The following PPFIA2 variants were observed in gnomAD, a reference collection of about 807,000 sequenced individuals.
The protein encoded by PPFIA2 is liprin-alpha-2.
A neutral mutation model predicts 175.5 loss-of-function variants in PPFIA2; 46 were observed. The observed-to-expected ratio is 0.26, with a 90% CI of 0.21 to 0.34. The LOEUF (loss-of-function observed/expected upper bound fraction) is 0.34, where lower values mean the gene tolerates loss of function less well. Among genes scored for constraint, PPFIA2 ranks in the 10% least tolerant of loss-of-function variants. The probability of loss-of-function intolerance (pLI) is 1.00; values close to 1 mark genes in which losing one functional copy is unlikely to be tolerated. For missense variants in PPFIA2, 1,179 were observed against 1,506.1 expected (o/e 0.78, Z 3.60); for synonymous variants, 568 against 511.4 (o/e 1.11, Z -1.49).
intron 21 of PPFIA2, among the ~76,000 whole-genome samples, chr12:81,334,248 G>A (rs967528902): frequency 1.3e-5 from 2 of 152,152 alleles, no homozygotes; most frequent in Non-Finnish European, 2.9e-5. Context: ...CAATGTAGCA[G>A]ATAAAACTTT....
At chr12:81,715,258 T>A (rs1174569375) in intron 3 of PPFIA2, among the ~76,000 whole-genome samples, 1 of 147,104 alleles carries the variant, frequency 6.8e-6, no homozygotes, top group Non-Finnish European at 1.5e-5. Flanking sequence ...GTGTGAACTG[T>A]TTATCTTCAT....
chr12:81,490,601 T>C (rs944494588), intron 4 of PPFIA2, among the ~76,000 whole-genome samples: 4 of 151,938 alleles, frequency 2.6e-5, no homozygotes, highest in African/African-American at 9.7e-5. Context: ...TCATTAGACA[T>C]AAATTGATGT....
At chr12:81,493,305 G>C (rs991578312) in intron 4 of PPFIA2, among the ~76,000 whole-genome samples, 2 of 151,992 alleles carry the variant, frequency 1.3e-5, no homozygotes, top group African/African-American at 4.8e-5. Flanking sequence ...GTATGAGATA[G>C]ACTTAATACA....
chr12:81,690,359 C>T (rs1412954623), intron 3 of PPFIA2, among the ~76,000 whole-genome samples: 1 of 152,090 alleles, frequency 6.6e-6, no homozygotes, highest in African/African-American at 2.4e-5. Flanking sequence ...TAAACATTGT[C>T]TCTTAATGAG....
At chr12:81,755,974 A>C (rs2084589106) in intron 2 of PPFIA2, among the ~76,000 whole-genome samples, 1 of 152,182 alleles carries the variant, frequency 6.6e-6, no homozygotes, top group Non-Finnish European at 1.5e-5. Context: ...AAGATGGAAA[A>C]TACAGACTCT....
chr12:81,530,075 A>C (rs60193533), intron 4 of PPFIA2, among the ~76,000 whole-genome samples: 3,107 of 152,120 alleles, frequency 0.02, 114 homozygotes, highest in African/African-American at 0.072. Context: ...AAATTATATC[A>C]AATTCAACTT....
At chr12:81,317,779 T>C (rs2052740480) in intron 22 of PPFIA2, among the ~76,000 whole-genome samples, 1 of 151,708 alleles carries the variant, frequency 6.6e-6, no homozygotes, top group Non-Finnish European at 1.5e-5. Context: ...CATCTATATG[T>C]TAAAAATTCA....
chr12:81,322,121 G>A (rs975880113), intron 22 of PPFIA2, among the ~76,000 whole-genome samples: 5 of 152,288 alleles, frequency 3.3e-5, no homozygotes, highest in African/African-American at 1.2e-4. Flanking sequence ...ACAGGCATGA[G>A]TCACCATTAC....
rs139595866 is a variant in PPFIA2, at chr12:81,338,125, C to T, written c.2548+1055G>A. 4.0e-3 allele frequency among the ~76,000 whole-genome samples: 609 copies of T among 152,150 alleles called. 1 individual carries two copies. Among genetic ancestry groups the T allele is most frequent in the Non-Finnish European group, 6.2e-3 (421 of 67,974 alleles). On this transcript the variant is annotated intron_variant, in intron 21 of 32. Transcript: ENST00000549396. ...GTCATAAATCTGCAAACATGAATAT[C>T]GCAATCAGAAATTCTTTTGATGGTA... is the stretch of plus-strand genomic sequence containing the variant.
In PPFIA2 at chr12:81,714,684, G is replaced by C. The variant is rs370343221; in HGVS notation, c.250-37840C>G. ...GAAAGTGGTTATTTTGTTAGACTCT[G>C]AAGAAATAGAGGGTCTGAGTATCCT... On this transcript the variant is annotated intron_variant, in intron 3 of 32. Transcript: ENST00000549396. 2.6e-5 allele frequency among the ~76,000 whole-genome samples: 4 copies of C among 151,104 alleles called. 1 individual carries two copies. The East Asian group carries it at 8.0e-4, about 30-fold the overall frequency.
intron 3 of PPFIA2, among the ~76,000 whole-genome samples, chr12:81,733,036 G>T (rs117985328): frequency 0.04 from 6,123 of 151,256 alleles, 149 homozygotes; most frequent in African/African-American, 0.054. Flanking sequence ...GTTACGTCTG[G>T]CCTTGTATTT....
At chr12:81,717,149 T>C (rs374811118) in intron 3 of PPFIA2, among the ~76,000 whole-genome samples, 15 of 151,862 alleles carry the variant, frequency 9.9e-5, no homozygotes, top group African/African-American at 3.4e-4. Flanking sequence ...GTTGCAACTA[T>C]TCAAATTTGC....
chr12:81,525,559 G>A (rs1422367462), intron 4 of PPFIA2, among the ~76,000 whole-genome samples: 1 of 152,026 alleles, frequency 6.6e-6, no homozygotes, highest in Non-Finnish European at 1.5e-5. Context: ...TTGGAAGAGG[G>A]CTCTGAGCTC....
At chr12:81,626,494 T>C (rs2062723229) in intron 4 of PPFIA2, among the ~76,000 whole-genome samples, 1 of 152,050 alleles carries the variant, frequency 6.6e-6, no homozygotes, top group African/African-American at 2.4e-5. Flanking sequence ...TGTAACCAAA[T>C]AAACACAATG....
At chr12:81,346,710 G>T (rs1236777944) in intron 18 of PPFIA2, among the ~76,000 whole-genome samples, 1 of 151,420 alleles carries the variant, frequency 6.6e-6, no homozygotes, top group African/African-American at 2.4e-5. Context: ...AGTAGCTGTT[G>T]TTTTTTATGG....
At chr12:81,748,662 C>T (rs528017126) in intron 3 of PPFIA2, among the ~76,000 whole-genome samples, 1 of 144,668 alleles carries the variant, frequency 6.9e-6, no homozygotes, top group East Asian at 2.1e-4. Flanking sequence ...GTTAGTCCAG[C>T]CAAGATCAGC....
chr12:81,753,917 A>C (rs1400412169), intron 3 of PPFIA2, 56 bp downstream of exon 3: 1 of 1,587,270 alleles, frequency 6.3e-7, no homozygotes, highest in African/African-American at 1.3e-5. Context: ...GAGTAAAGTG[A>C]ATCTTAACAA....
chr12:81,485,256 T>C (rs2058686815), intron 4 of PPFIA2, among the ~76,000 whole-genome samples: 1 of 151,886 alleles, frequency 6.6e-6, no homozygotes, highest in African/African-American at 2.4e-5. Context: ...CATCTCATTT[T>C]ATTTTAGTTG....
chr12:81,560,859 A>T (rs1263742971), intron 4 of PPFIA2, among the ~76,000 whole-genome samples: 1 of 152,208 alleles, frequency 6.6e-6, no homozygotes, highest in South Asian at 2.1e-4. Context: ...AATTTAGAGA[A>T]ATAAATCTAT....
Sources: allele counts gnomAD v4.1 joint callset (sites outside exome capture counted in the v4.1 genomes callset), GRCh38; gene constraint gnomAD v4.1.1; transcripts MANE v1.5; gene names NCBI Gene and HGNC (gene_info 2026-07-23, HGNC 2026-07-21).